Variants in EDIL3 observed in about 807,000 individuals in gnomAD.
EDIL3 encodes EGF like and discoidin domains 3, also known as EGF-like repeat and discoidin I-like domain-containing protein 3.
A neutral mutation model predicts 67.4 loss-of-function variants in EDIL3; 37 were observed. That is an observed-to-expected ratio of 0.55 (90% CI 0.42 to 0.72). The LOEUF (loss-of-function observed/expected upper bound fraction) is 0.72, where lower values mean the gene tolerates loss of function less well. Among genes scored for constraint, EDIL3 ranks in the 30% least tolerant of loss-of-function variants. The pLI is 0.00. For synonymous variants in EDIL3, 195 were observed against 196.3 expected, an observed-to-expected ratio of 0.99 and a Z score of 0.05; for missense variants, 527 against 586.3, an observed-to-expected ratio of 0.90 and a Z score of 1.04.
At chr5:84,119,978 G>T (rs1428197288) in intron 5 of EDIL3, among the ~76,000 whole-genome samples, 2 of 151,780 alleles carry the variant, frequency 1.3e-5, no homozygotes, top group Non-Finnish European at 2.9e-5. Context: ...ACATAAAGGG[G>T]ATGTCTTGGG....
chr5:84,015,729 C>A (rs1330836669), intron 9 of EDIL3, among the ~76,000 whole-genome samples: 7 of 152,062 alleles, frequency 4.6e-5, no homozygotes, highest in Non-Finnish European at 8.8e-5. Context: ...TAATGGTTTT[C>A]ATCAGCTCTA....
At chr5:84,253,494 A>G (rs1745072205) in intron 2 of EDIL3, among the ~76,000 whole-genome samples, 1 of 152,196 alleles carries the variant, frequency 6.6e-6, no homozygotes, top group African/African-American at 2.4e-5. Context: ...CTCTAAATCC[A>G]TAAGTATACA....
intron 5 of EDIL3, among the ~76,000 whole-genome samples, chr5:84,116,623 T>C (rs1342518916): frequency 6.6e-6 from 1 of 152,226 alleles, no homozygotes; most frequent in Non-Finnish European, 1.5e-5. Context: ...ATAATATGTA[T>C]TTACTAATTG....
At chr5:84,011,628 C>T (rs1403139499) in intron 9 of EDIL3, among the ~76,000 whole-genome samples, 1 of 152,132 alleles carries the variant, frequency 6.6e-6, no homozygotes, top group African/African-American at 2.4e-5. Context: ...TGGTCTGGGT[C>T]CTGCATACCT....
At chr5:84,066,132 A>C (rs1038894739) in intron 7 of EDIL3, among the ~76,000 whole-genome samples, 10 of 151,686 alleles carry the variant, frequency 6.6e-5, no homozygotes, top group Non-Finnish European at 1.5e-4. Flanking sequence ...AAAAAAAAAA[A>C]AGTGCGTTAA....
intron 1 of EDIL3, among the ~76,000 whole-genome samples, chr5:84,340,009 A>G (rs890320469): frequency 3.9e-5 from 6 of 152,112 alleles, no homozygotes; most frequent in African/African-American, 9.7e-5. Flanking sequence ...CTATTCTTCA[A>G]TAGTAATTTT....
intron 9 of EDIL3, among the ~76,000 whole-genome samples, chr5:84,057,426 C>T (rs1352502523): frequency 1.3e-5 from 2 of 151,970 alleles, no homozygotes; most frequent in African/African-American, 2.4e-5. Context: ...TTATTCCACA[C>T]AGCATTATGA....
chr5:84,033,685 C>CAG (rs1215114435), intron 9 of EDIL3, among the ~76,000 whole-genome samples: 1 of 119,778 alleles, frequency 8.3e-6, no homozygotes, highest in Non-Finnish European at 1.6e-5. Flanking sequence ...ACCTGGGCGA[C>CAG]AGAGCCAGAC....
chr5:84,294,154 C>T (rs528191616), intron 1 of EDIL3, among the ~76,000 whole-genome samples: 4 of 150,538 alleles, frequency 2.7e-5, no homozygotes, highest in South Asian at 2.1e-4. Flanking sequence ...GAGGCCGAGA[C>T]GGGTGGATCA....
At chr5:84,107,531 T>C (rs1747485946) in intron 5 of EDIL3, among the ~76,000 whole-genome samples, 1 of 151,588 alleles carries the variant, frequency 6.6e-6, no homozygotes, top group African/African-American at 2.4e-5. Context: ...AAAATACTTA[T>C]TAGCACTTTA....
chr5:84,208,056 T>C (rs948936490), intron 3 of EDIL3, among the ~76,000 whole-genome samples: 9 of 150,634 alleles, frequency 6.0e-5, no homozygotes, highest in Non-Finnish European at 8.9e-5. Context: ...TGGGATCTAA[T>C]TAAACTAAAG....
chr5:84,265,950 A>G lies in EDIL3; in HGVS notation c.68-11738T>C, dbSNP rs75075731. 4.2e-3 allele frequency among the ~76,000 whole-genome samples: 647 copies of G among 152,288 alleles called. 4 individuals carry two copies. Among genetic ancestry groups the G allele is most frequent in the African/African-American group, 0.015 (603 of 41,562 alleles). Reference sequence around the variant, plus strand: ...TATTGCTGTTAACACTCCAATTTGCATCTTTATAGGGAACAACCTAATTGT... The same window carrying G: ...TATTGCTGTTAACACTCCAATTTGCGTCTTTATAGGGAACAACCTAATTGT... On this transcript the variant is annotated intron_variant, in intron 1 of 10. Transcript: ENST00000296591.
At chr5:84,193,016 C>A (rs2112369701) in intron 3 of EDIL3, among the ~76,000 whole-genome samples, 1 of 151,932 alleles carries the variant, frequency 6.6e-6, no homozygotes, top group South Asian at 2.1e-4. Flanking sequence ...TGTGGTAAGA[C>A]TAGTGTAGCT....
At chr5:84,261,920 A>G (rs1382305523) in intron 1 of EDIL3, among the ~76,000 whole-genome samples, 2 of 152,208 alleles carry the variant, frequency 1.3e-5, no homozygotes, top group Non-Finnish European at 2.9e-5. Flanking sequence ...TGGGCTGAAG[A>G]AAATAAGGAG....
intron 1 of EDIL3, among the ~76,000 whole-genome samples, chr5:84,281,855 C>CTTTT (rs10708663): frequency 1.2e-3 from 85 of 72,588 alleles, no homozygotes; most frequent in African/African-American, 3.7e-3. Context: ...TTTTATTTCA[C>CTTTT]TTTTTTTTTT....
intron 1 of EDIL3, among the ~76,000 whole-genome samples, chr5:84,303,808 C>CTGTGTGTGTG (rs199605264): frequency 2.7e-4 from 36 of 135,356 alleles, no homozygotes; most frequent in Admixed American, 6.8e-4. Context: ...CTCTCTCTCT[C>CTGTGTGTGTG]TGTGTGTGTG....
chr5:84,228,023 C>T (rs1274429863), intron 3 of EDIL3, among the ~76,000 whole-genome samples: 4 of 151,980 alleles, frequency 2.6e-5, no homozygotes, highest in Non-Finnish European at 4.4e-5. Context: ...TGCACATGTG[C>T]CCCCTGTAAC....
At chr5:83,964,552 T>G (rs1430901607) in intron 9 of EDIL3, among the ~76,000 whole-genome samples, 2 of 151,946 alleles carry the variant, frequency 1.3e-5, no homozygotes, top group Non-Finnish European at 2.9e-5. Flanking sequence ...ATACAGGCCA[T>G]GAATGAGAAG....
Position 84,205,515 on chromosome 5 carries a change from C to T in EDIL3, c.226+24340G>A, listed in dbSNP as rs185446483. Among the ~76,000 whole-genome samples the T allele has an allele frequency of 2.1e-3, 319 of 152,242 alleles. 1 individual carries two copies. The highest frequency in any genetic ancestry group is 7.4e-3 in the African/African-American group (306 of 41,542). On this transcript the variant is annotated intron_variant, in intron 3 of 10. Transcript: ENST00000296591. ...AGCTGTGTCCACTTGAAAAACTTGA[C>T]TCTTTTGCTGTGAATCCATCTGGTC...
Sources: allele counts gnomAD v4.1 joint callset (sites outside exome capture counted in the v4.1 genomes callset), GRCh38; gene constraint gnomAD v4.1.1; transcripts MANE v1.5; gene names NCBI Gene and HGNC (gene_info 2026-07-23, HGNC 2026-07-21).